RBMS3: variants seen among roughly 807,000 people sequenced by gnomAD.
RBMS3 encodes RNA-binding motif, single-stranded-interacting protein 3.
Under a neutral mutation model 66.8 loss-of-function variants are expected in RBMS3, and 27 were observed. That is an observed-to-expected ratio of 0.40 (90% CI 0.30 to 0.56). The LOEUF (loss-of-function observed/expected upper bound fraction) is 0.56, where lower values mean the gene tolerates loss of function less well. Ranked by LOEUF, RBMS3 falls within the 20% of genes least tolerant of loss-of-function variation. The pLI is 0.40. For missense variants in RBMS3, 513 were observed against 549.5 expected (o/e 0.93, Z 0.66); for synonymous variants, 188 against 183.0 (o/e 1.03, Z -0.22).
chr3:29,567,119 G>T (rs954993152), intron 3 of RBMS3, among the ~76,000 whole-genome samples: 1 of 151,920 alleles, frequency 6.6e-6, no homozygotes, highest in African/African-American at 2.4e-5. Flanking sequence ...TTCTTCATTG[G>T]GTTTGCATAT....
chr3:29,410,410 T>A (rs534298515), intron 1 of RBMS3, among the ~76,000 whole-genome samples: 164 of 152,346 alleles, frequency 1.1e-3, no homozygotes, highest in African/African-American at 3.8e-3. Flanking sequence ...ACAGCTAGTA[T>A]GCAAATTGCC....
intron 1 of RBMS3, among the ~76,000 whole-genome samples, chr3:29,324,437 T>A (rs1389132197): frequency 1.3e-5 from 2 of 152,220 alleles, no homozygotes; most frequent in Non-Finnish European, 2.9e-5. Flanking sequence ...TCTCATGTAA[T>A]TGGTTCTCTT....
At chr3:29,302,225 T>C (rs2033723057) in intron 1 of RBMS3, among the ~76,000 whole-genome samples, 1 of 151,990 alleles carries the variant, frequency 6.6e-6, no homozygotes, top group African/African-American at 2.4e-5. Flanking sequence ...TTGTCCAAGC[T>C]GGTCCAGACC....
At chr3:29,416,228 T>C (rs1315471991) in intron 1 of RBMS3, among the ~76,000 whole-genome samples, 2 of 152,096 alleles carry the variant, frequency 1.3e-5, no homozygotes, top group Non-Finnish European at 2.9e-5. Flanking sequence ...GGTGGAGAGA[T>C]GGAGGTGTGG....
At chr3:29,884,085 T>G (rs2059800377) in intron 7 of RBMS3, 77 bp from the exon 8 acceptor site, 1 of 1,219,958 alleles carries the variant, frequency 8.2e-7, no homozygotes, top group Middle Eastern at 1.9e-4. Context: ...ATAAGAGTCT[T>G]TGTGTGTACT....
At chr3:29,901,161 T>G (rs1559783155) in intron 10 of RBMS3, among the ~76,000 whole-genome samples, 1 of 151,794 alleles carries the variant, frequency 6.6e-6, no homozygotes, top group Non-Finnish European at 1.5e-5. Flanking sequence ...CATACCACTA[T>G]GCAACAAATC....
At chr3:29,449,504 G>C (rs926671463) in intron 2 of RBMS3, among the ~76,000 whole-genome samples, 1 of 152,146 alleles carries the variant, frequency 6.6e-6, no homozygotes, top group African/African-American at 2.4e-5. Flanking sequence ...ACAACCAAAT[G>C]TTCTTACTAT....
intron 4 of RBMS3, among the ~76,000 whole-genome samples, chr3:29,709,640 G>A (rs540237628): frequency 1.3e-5 from 2 of 152,252 alleles, no homozygotes; most frequent in East Asian, 3.9e-4. Context: ...ACAATGGAGG[G>A]CAGTGGTGTC....
chr3:29,315,248 C>G (rs2034599695), intron 1 of RBMS3, among the ~76,000 whole-genome samples: 1 of 151,474 alleles, frequency 6.6e-6, no homozygotes, highest in Admixed American at 6.6e-5. Flanking sequence ...TTATTTGTTT[C>G]TTCATCATTT....
intron 5 of RBMS3, among the ~76,000 whole-genome samples, chr3:29,742,846 A>C (rs2054703857): frequency 6.6e-6 from 1 of 152,182 alleles, no homozygotes; most frequent in African/African-American, 2.4e-5. Context: ...TTGAGCTTCA[A>C]ATATGAATTA....
Position 29,862,805 on chromosome 3 carries a change from C to T in RBMS3, c.638-6053C>T, listed in dbSNP as rs372731796. Among the ~76,000 whole-genome samples the T allele has an allele frequency of 4.8e-4, 71 of 147,576 alleles. 1 individual carries two copies. The South Asian group carries it at 0.012, about 25-fold the overall frequency. On this transcript the variant is annotated intron_variant, in intron 6 of 14. Transcript: ENST00000383767. ...GCTGAAGTGAGCTGAGATCCAAGATCAAGCCACTGCACTCCAGCCTGGGAG... is the reference window on the plus strand; with the variant it reads ...GCTGAAGTGAGCTGAGATCCAAGATTAAGCCACTGCACTCCAGCCTGGGAG...
intron 2 of RBMS3, among the ~76,000 whole-genome samples, chr3:29,486,072 T>A (rs2043306150): frequency 1.3e-5 from 2 of 152,164 alleles, no homozygotes; most frequent in South Asian, 4.1e-4. Flanking sequence ...AAAAGCATAA[T>A]TTCATAGGTA....
intron 7 of RBMS3, among the ~76,000 whole-genome samples, chr3:29,872,032 A>G (rs576302817): frequency 4.3e-4 from 66 of 152,250 alleles, no homozygotes; most frequent in Admixed American, 3.7e-3. Flanking sequence ...AATATTTTAA[A>G]ATTATTAACT....
At chr3:29,397,391 A>G (rs1250504154) in intron 1 of RBMS3, among the ~76,000 whole-genome samples, 1 of 152,166 alleles carries the variant, frequency 6.6e-6, no homozygotes, top group African/African-American at 2.4e-5. Flanking sequence ...AAGGTTCTTT[A>G]TGTAAATTCA....
At chr3:29,561,633 A>G (rs2046559170) in intron 3 of RBMS3, among the ~76,000 whole-genome samples, 1 of 152,104 alleles carries the variant, frequency 6.6e-6, no homozygotes, top group Admixed American at 6.5e-5. Context: ...TTGTATTTTT[A>G]GTAGAGATGG....
intron 6 of RBMS3, among the ~76,000 whole-genome samples, chr3:29,814,066 A>C (rs2057804656): frequency 6.6e-6 from 1 of 151,902 alleles, no homozygotes; most frequent in African/African-American, 2.4e-5. Flanking sequence ...GCCAGTTTTC[A>C]AAGGGAATGC....
At position 29,788,326 on chromosome 3, in the gene RBMS3, A is replaced by G. The variant is rs9866715; in HGVS notation, c.637+25337A>G. On this transcript the variant is annotated intron_variant, in intron 6 of 14. Coordinates refer to ENST00000383767, the MANE Select transcript of RBMS3 (RefSeq NM_001003793.3). ...CTGCAACCTCCGCCTCCCTGGTTCA[A>G]GTGATTCTCCTGCCCCACCCTCTCG... Among the ~76,000 whole-genome samples, 259 of 152,064 alleles carry G rather than the reference A, an allele frequency of 1.7e-3. 3 individuals are homozygous for G. Among genetic ancestry groups the G allele is most frequent in the African/African-American group, 6.0e-3 (249 of 41,492 alleles).
At chr3:29,420,408 G>A (rs1172706950) in intron 1 of RBMS3, among the ~76,000 whole-genome samples, 5 of 152,132 alleles carry the variant, frequency 3.3e-5, no homozygotes, top group Non-Finnish European at 5.9e-5. Flanking sequence ...CAGTTGCATC[G>A]CATTTCACCT....
At chr3:29,657,514 C>T (rs1267702601) in intron 4 of RBMS3, among the ~76,000 whole-genome samples, 1 of 152,162 alleles carries the variant, frequency 6.6e-6, no homozygotes, top group African/African-American at 2.4e-5. Context: ...GACAAGCATG[C>T]CTGTGACTGT....
Sources: allele counts gnomAD v4.1 joint callset (sites outside exome capture counted in the v4.1 genomes callset), GRCh38; gene constraint gnomAD v4.1.1; transcripts MANE v1.5; gene names NCBI Gene and HGNC (gene_info 2026-07-23, HGNC 2026-07-21).